The following NRIP3 variants were observed in gnomAD, a reference collection of about 807,000 sequenced individuals.
NRIP3 encodes the protein nuclear receptor-interacting protein 3.
A neutral mutation model predicts 29.0 loss-of-function variants in NRIP3; 31 were observed. The observed-to-expected ratio is 1.07, with a 90% confidence interval of 0.80 to 1.44. NRIP3 has a LOEUF of 1.44. Ranked by LOEUF, NRIP3 falls within the 40% of genes most tolerant of loss-of-function variation. The pLI, the probability that NRIP3 is intolerant of heterozygous loss-of-function variation, is 0.00. For missense variants in NRIP3, 314 were observed against 297.9 expected (o/e 1.05, Z -0.40); for synonymous variants, 131 against 118.3 (o/e 1.11, Z -0.70).
intron 1 of NRIP3, among the ~76,000 whole-genome samples, chr11:8,996,446 A>C (rs1854707973): frequency 6.6e-6 from 1 of 151,814 alleles, no homozygotes; most frequent in African/African-American, 2.4e-5. Context: ...ACACCCAGCT[A>C]ATTTTTGCCT....
In NRIP3 at chr11:8,985,657, G is replaced by T. The variant is rs565280373; in HGVS notation, c.562+54C>A. On this transcript the variant is annotated intron_variant, in intron 4 of 6. Coordinates refer to ENST00000309166, the MANE Select transcript of NRIP3 (RefSeq NM_020645.3). ...GAGATGACATGAGGTTTTGTTGGGGGTAGGGAGAGGGTTTCCGTTAGGGTC... is the reference window on the plus strand; with the variant it reads ...GAGATGACATGAGGTTTTGTTGGGGTTAGGGAGAGGGTTTCCGTTAGGGTC... The T allele has an allele frequency of 1.8e-5, 29 of 1,581,612 alleles. No homozygotes were observed. In the South Asian group the frequency reaches 2.3e-4, roughly 12 times the overall value.
intron 1 of NRIP3, among the ~76,000 whole-genome samples, chr11:8,994,308 C>G (rs1343959975): frequency 1.3e-5 from 2 of 152,192 alleles, no homozygotes; most frequent in African/African-American, 4.8e-5. Flanking sequence ...TTGCCCATAT[C>G]TTCTTGGTCA....
chr11:8,987,684 G>T, intron 2 of NRIP3, 54 bp from the exon 3 acceptor site: 2 of 1,355,432 alleles, frequency 1.5e-6, no homozygotes, highest in South Asian at 1.2e-5. Context: ...AAAGGGAAAG[G>T]AGATGCAGAC....
At chr11:8,994,032 G>A (rs377575387) in intron 1 of NRIP3, among the ~76,000 whole-genome samples, 7 of 152,110 alleles carry the variant, frequency 4.6e-5, no homozygotes, top group East Asian at 1.9e-4. Flanking sequence ...CCAACTTACC[G>A]TAGTTTAAAT....
At position 8,981,598 on chromosome 11, in the gene NRIP3, G is replaced by A. The variant is rs1854417841; in HGVS notation, c.*1947C>T. The A allele has an allele frequency of 6.6e-6, 1 of 152,232 alleles. No individual in the cohort carries two copies. The highest frequency in any genetic ancestry group is 2.4e-5 in the African/African-American group (1 of 41,410). The allele number at this position is 152,232 out of a possible 1,614,324, so 9.4% of individuals were successfully genotyped here. On this transcript the variant is annotated 3_prime_UTR_variant, in exon 7 of 7. Transcript: ENST00000309166. ...TGAGCTTTACTTCAACTTAGTACCA[G>A]GATAAGAGGCAGGCCAAAGTATTGC... is the stretch of plus-strand genomic sequence containing the variant.
At chr11:8,991,160 G>T (rs1464739857) in intron 1 of NRIP3, among the ~76,000 whole-genome samples, 1 of 152,090 alleles carries the variant, frequency 6.6e-6, no homozygotes, top group African/African-American at 2.4e-5. Flanking sequence ...AATTAGCCAG[G>T]TGTGGTGGTG....
Position 8,980,900 on chromosome 11 carries a change from A to G in NRIP3, c.*2645T>C, listed in dbSNP as rs1472477182. On this transcript the variant is annotated 3_prime_UTR_variant, in exon 7 of 7. Coordinates refer to ENST00000309166, the MANE Select transcript of NRIP3 (RefSeq NM_020645.3). ...CCCGAGTCAGGCATGGAAATATCAA[A>G]TGATAAAACCAATATTTTTCAAACT... 6.6e-6 allele frequency: 1 copy of G among 152,252 alleles called. No individual in the cohort carries two copies. The highest frequency in any genetic ancestry group is 2.4e-5 in the African/African-American group (1 of 41,468). 9.4% of individuals were successfully genotyped at this position (152,252 alleles called of 1,614,324 possible).
At chr11:8,985,682 C>T (rs766244221) in intron 4 of NRIP3, 29 bp downstream of exon 4, 9 of 1,609,856 alleles carry the variant, frequency 5.6e-6, no homozygotes, top group Admixed American at 5.0e-5. Context: ...CCGTTAGGGT[C>T]CATAGGTCCA....
At chr11:8,985,401 C>T (rs1173967891) in intron 4 of NRIP3, among the ~76,000 whole-genome samples, 2 of 146,938 alleles carry the variant, frequency 1.4e-5, no homozygotes, top group African/African-American at 5.1e-5. Flanking sequence ...GATCTCCTGA[C>T]CTTGTGATCC....
chr11:8,985,662 G>C, intron 4 of NRIP3, 49 bp downstream of exon 4: 1 of 1,589,774 alleles, frequency 6.3e-7, no homozygotes, highest in Non-Finnish European at 8.6e-7. Flanking sequence ...TGGGGGTAGG[G>C]AGAGGGTTTC....
chr11:8,985,685 T>C (rs1566135802), intron 4 of NRIP3, 26 bp downstream of exon 4: 1 of 1,610,706 alleles, frequency 6.2e-7, no homozygotes, highest in Non-Finnish European at 8.5e-7. Context: ...TTAGGGTCCA[T>C]AGGTCCAGCC....
At chr11:9,000,788 G>T (rs948908075) in intron 1 of NRIP3, among the ~76,000 whole-genome samples, 29 of 152,104 alleles carry the variant, frequency 1.9e-4, no homozygotes, top group African/African-American at 7.0e-4. Context: ...AAAAATCAGG[G>T]CTGGGTGTGG....
At chr11:8,999,965 A>G (rs1854767742) in intron 1 of NRIP3, among the ~76,000 whole-genome samples, 1 of 152,052 alleles carries the variant, frequency 6.6e-6, no homozygotes, top group Non-Finnish European at 1.5e-5. Context: ...CATTTACTTA[A>G]TTTTACTTTC....
At chr11:8,985,926 C>T (rs975497420) in intron 3 of NRIP3, 76 bp from the exon 4 acceptor site, 2 of 1,522,492 alleles carry the variant, frequency 1.3e-6, no homozygotes, top group Non-Finnish European at 1.8e-6. Context: ...TACCTTCTGA[C>T]CTACAATTGG....
intron 1 of NRIP3, among the ~76,000 whole-genome samples, chr11:8,996,565 G>A (rs1854710327): frequency 6.6e-6 from 1 of 152,046 alleles, no homozygotes; most frequent in South Asian, 2.1e-4. Context: ...ACAGGTGTGG[G>A]CCATCACACC....
intron 4 of NRIP3, 32 bp downstream of exon 4, chr11:8,985,679 G>C: frequency 6.2e-7 from 1 of 1,605,648 alleles, no homozygotes; most frequent in Non-Finnish European, 8.5e-7. Context: ...TTTCCGTTAG[G>C]GTCCATAGGT....
rs568184032 is a variant in NRIP3 at position 8,982,560 on chromosome 11, G to C, written c.*985C>G. ...CGGATCTTGGGAGTAATCAACGTCT[G>C]ACAGTGACACTCTGATTTACTTAAG... is the stretch of plus-strand genomic sequence containing the variant. On this transcript the variant is annotated 3_prime_UTR_variant, in exon 7 of 7. Transcript: ENST00000309166. 1 of 161,414 alleles carries C rather than the reference G, an allele frequency of 6.2e-6. No homozygotes were observed. Among genetic ancestry groups the C allele is most frequent in the South Asian group, 1.8e-4 (1 of 5,644 alleles). 10.0% of individuals were successfully genotyped at this position (161,414 alleles called of 1,614,324 possible).
At chr11:8,990,134 C>T (rs1253326850) in intron 1 of NRIP3, among the ~76,000 whole-genome samples, 3 of 152,150 alleles carry the variant, frequency 2.0e-5, no homozygotes, top group Non-Finnish European at 4.4e-5. Flanking sequence ...ATAAAACATA[C>T]TAAAAGTTCC....
chr11:9,004,011 G>T (rs568674923), upstream of NRIP3: 1 of 1,323,596 alleles, frequency 7.6e-7, no homozygotes, highest in African/African-American at 1.6e-5. Context: ...CGCCGCAAGG[G>T]CCCCGAGCCG....
Sources: allele counts gnomAD v4.1 joint callset (sites outside exome capture counted in the v4.1 genomes callset), GRCh38; gene constraint gnomAD v4.1.1; transcripts MANE v1.5; gene names NCBI Gene and HGNC (gene_info 2026-07-23, HGNC 2026-07-21).